DCC: variants seen among roughly 807,000 people sequenced by gnomAD.
The protein encoded by DCC is DCC netrin 1 receptor, also known as netrin receptor DCC.
In DCC, 58 loss-of-function variants were observed where a neutral mutation model predicts 172.5. The observed-to-expected ratio is 0.34, with a 90% CI of 0.27 to 0.42. The LOEUF (loss-of-function observed/expected upper bound fraction) is 0.42, where lower values mean the gene tolerates loss of function less well. Ranked by LOEUF, DCC falls within the 10% of genes least tolerant of loss-of-function variation. The pLI is 1.00. For synonymous variants in DCC, 709 were observed against 644.5 expected, an observed-to-expected ratio of 1.10 and a Z score of -1.52; for missense variants, 1,740 against 1,791.0, an observed-to-expected ratio of 0.97 and a Z score of 0.51.
intron 27 of DCC, among the ~76,000 whole-genome samples, chr18:53,510,235 A>G (rs1384277544): frequency 6.6e-6 from 1 of 152,202 alleles, no homozygotes; most frequent in Non-Finnish European, 1.5e-5. Context: ...TTCCCCAAAC[A>G]TGACTCATCA....
intron 1 of DCC, among the ~76,000 whole-genome samples, chr18:52,465,262 T>C (rs1195563009): frequency 1.3e-5 from 2 of 152,158 alleles, no homozygotes; most frequent in Non-Finnish European, 2.9e-5. Context: ...TGAGGGGCAA[T>C]GTATTCTCCA....
chr18:53,257,384 C>A (rs532599352), intron 12 of DCC, among the ~76,000 whole-genome samples: 5 of 152,192 alleles, frequency 3.3e-5, no homozygotes, highest in African/African-American at 1.2e-4. Flanking sequence ...TGAGATACAT[C>A]CCATCAATAA....
At chr18:52,856,441 C>T (rs1032684634) in intron 2 of DCC, among the ~76,000 whole-genome samples, 4 of 151,206 alleles carry the variant, frequency 2.6e-5, no homozygotes, top group South Asian at 2.1e-4. Flanking sequence ...CTGGCTAACA[C>T]GGTGAAACAC....
chr18:53,170,276 C>A (rs2054991984), intron 8 of DCC, among the ~76,000 whole-genome samples: 2 of 152,188 alleles, frequency 1.3e-5, no homozygotes, highest in Admixed American at 1.3e-4. Flanking sequence ...ACTCCTATTT[C>A]TTCTCAGTGT....
chr18:53,351,297 A>ATATAT (rs1555656753), intron 15 of DCC, among the ~76,000 whole-genome samples: 1 of 26,160 alleles, frequency 3.8e-5, no homozygotes, highest in Non-Finnish European at 1.1e-4. Flanking sequence ...TACAGTATAT[A>ATATAT]TATATATATA....
chr18:53,347,347 G>T (rs921752462), intron 15 of DCC, among the ~76,000 whole-genome samples: 1 of 152,086 alleles, frequency 6.6e-6, no homozygotes, highest in Non-Finnish European at 1.5e-5. Context: ...TGGGATTTTG[G>T]TTTTTGGGGG....
intron 1 of DCC, among the ~76,000 whole-genome samples, chr18:52,608,131 C>T (rs1406069210): frequency 6.6e-6 from 1 of 152,090 alleles, no homozygotes; most frequent in Non-Finnish European, 1.5e-5. Flanking sequence ...ACCCTAACCT[C>T]TCAACTTCTG....
At chr18:53,201,123 C>G (rs533823354) in intron 9 of DCC, among the ~76,000 whole-genome samples, 3 of 152,142 alleles carry the variant, frequency 2.0e-5, no homozygotes, top group African/African-American at 7.2e-5. Context: ...CTCCCTTTCC[C>G]TTCCCCCAGA....
intron 5 of DCC, among the ~76,000 whole-genome samples, chr18:53,055,782 G>T (rs1465305913): frequency 6.6e-6 from 1 of 152,082 alleles, no homozygotes; most frequent in Non-Finnish European, 1.5e-5. Context: ...GTAAGAAAAG[G>T]CCGGGAGAGA....
At chr18:53,464,995 AAAAAAAGAG>A (rs2045602409) in intron 24 of DCC, among the ~76,000 whole-genome samples, 1 of 151,562 alleles carries the variant, frequency 6.6e-6, no homozygotes, top group Admixed American at 6.6e-5. Context: ...AAAAAAAAAA[AAAAAAAGAG>A]AAGAAAAAAA....
At chr18:53,249,921 T>C (rs1078459) in intron 12 of DCC, among the ~76,000 whole-genome samples, 2 of 151,684 alleles carry the variant, frequency 1.3e-5, no homozygotes, top group African/African-American at 4.8e-5. Context: ...ATTTTTACAG[T>C]CATAAAATCA....
chr18:52,756,971 G>T (rs2037085966), intron 2 of DCC: 1 of 152,074 alleles, frequency 6.6e-6, no homozygotes, highest in Non-Finnish European at 1.5e-5. Context: ...TCAGGGCAAT[G>T]AAAAATAGGC....
intron 5 of DCC, among the ~76,000 whole-genome samples, chr18:53,023,182 T>A (rs755196369): frequency 5.3e-5 from 8 of 151,902 alleles, no homozygotes; most frequent in Non-Finnish European, 8.8e-5. Flanking sequence ...TTTACCAGTC[T>A]ATAATAAAGC....
chr18:52,565,530 A>G (rs1186433505), intron 1 of DCC, among the ~76,000 whole-genome samples: 11 of 152,192 alleles, frequency 7.2e-5, no homozygotes, highest in Non-Finnish European at 1.3e-4. Context: ...AATGATCGCC[A>G]TTCTAACTGG....
At chr18:52,558,328 A>G (rs1194703483) in intron 1 of DCC, among the ~76,000 whole-genome samples, 1 of 152,084 alleles carries the variant, frequency 6.6e-6, no homozygotes, top group Non-Finnish European at 1.5e-5. Flanking sequence ...GAATAACGCT[A>G]TATTTAGCAA....
At chr18:53,320,070 CT>C (rs35150045) in intron 13 of DCC, among the ~76,000 whole-genome samples, 41,692 of 109,228 alleles carry the variant, frequency 0.38, 5,568 homozygotes, top group East Asian at 0.52. Flanking sequence ...CGCAAGAGTA[CT>C]TTTTTTTTTT....
chr18:52,532,439 G>A (rs1014699832), intron 1 of DCC, among the ~76,000 whole-genome samples: 1 of 152,106 alleles, frequency 6.6e-6, no homozygotes, highest in East Asian at 1.9e-4. Flanking sequence ...GTTCTGTGTA[G>A]TATGTGTTCA....
chr18:53,153,404 AT>A (rs1409959439), intron 7 of DCC, among the ~76,000 whole-genome samples: 1 of 152,074 alleles, frequency 6.6e-6, no homozygotes, highest in Non-Finnish European at 1.5e-5. Context: ...GATGCTATGA[AT>A]TTTTTTAAAA....
chr18:53,354,554 A>T (rs547547073), intron 15 of DCC, among the ~76,000 whole-genome samples: 1 of 152,244 alleles, frequency 6.6e-6, no homozygotes, highest in Admixed American at 6.5e-5. Context: ...GGCTGCATAA[A>T]TGTCTTCTTT....
Sources: gnomAD v4.1 joint callset for allele counts (sites outside exome capture counted in the v4.1 genomes callset) on GRCh38, gnomAD v4.1.1 for gene constraint, MANE v1.5 for transcripts, NCBI Gene and HGNC (gene_info 2026-07-23, HGNC 2026-07-21) for gene names.